Variants in KCNIP4 observed in about 807,000 individuals in gnomAD.
KCNIP4 encodes the protein potassium voltage-gated channel interacting protein 4, also known as Kv channel-interacting protein 4.
Under a neutral mutation model 34.0 loss-of-function variants are expected in KCNIP4, and 12 were observed. The ratio of observed to expected loss-of-function variants is 0.35; its 90% CI spans 0.23 to 0.57. The LOEUF (loss-of-function observed/expected upper bound fraction) is 0.57, where lower values mean the gene tolerates loss of function less well. Ranked by LOEUF, KCNIP4 falls within the 20% of genes least tolerant of loss-of-function variation. The pLI, the probability that KCNIP4 is intolerant of heterozygous loss-of-function variation, is 0.83. For synonymous variants in KCNIP4, 124 were observed against 102.2 expected (o/e 1.21, Z -1.29); for missense variants, 238 against 311.7 (o/e 0.76, Z 1.78).
chr4:21,849,557 T>A (rs1421805444), intron 1 of KCNIP4: 1 of 151,998 alleles, frequency 6.6e-6, no homozygotes, highest in Non-Finnish European at 1.5e-5. Context: ...CAGAAAAAAA[T>A]CAATCCAAAA....
At chr4:21,422,886 C>A (rs1001897510) in intron 1 of KCNIP4, among the ~76,000 whole-genome samples, 1 of 152,090 alleles carries the variant, frequency 6.6e-6, no homozygotes, top group Non-Finnish European at 1.5e-5. Context: ...AATGTTGTGA[C>A]CACTGGTTGA....
intron 1 of KCNIP4, among the ~76,000 whole-genome samples, chr4:21,234,945 G>A (rs992342888): frequency 6.6e-6 from 1 of 151,910 alleles, no homozygotes; most frequent in Admixed American, 6.6e-5. Context: ...ACCACTTCTG[G>A]CCATATTTTT....
At chr4:21,040,134 C>T (rs541421815) in intron 1 of KCNIP4, among the ~76,000 whole-genome samples, 1 of 152,306 alleles carries the variant, frequency 6.6e-6, no homozygotes, top group East Asian at 1.9e-4. Flanking sequence ...CCAATCACCT[C>T]CTACCAGGTC....
At chr4:21,292,055 C>A (rs1033729746) in intron 1 of KCNIP4, among the ~76,000 whole-genome samples, 2 of 152,086 alleles carry the variant, frequency 1.3e-5, no homozygotes, top group African/African-American at 4.8e-5. Context: ...TATATAAACA[C>A]CTTTCAGGAA....
intron 1 of KCNIP4, among the ~76,000 whole-genome samples, chr4:21,190,514 G>GC (rs1049218846): frequency 3.0e-4 from 45 of 148,162 alleles, no homozygotes; most frequent in Non-Finnish European, 4.8e-4. Context: ...GGTGGGGGGG[G>GC]GCACTGAGGG....
chr4:21,105,719 A>G (rs1306519503), intron 1 of KCNIP4, among the ~76,000 whole-genome samples: 1 of 151,504 alleles, frequency 6.6e-6, no homozygotes, highest in Non-Finnish European at 1.5e-5. Flanking sequence ...TCAGTATGAT[A>G]TTGGCTGTGG....
In KCNIP4 at chr4:20,821,895, T is replaced by TCA. The variant is rs995288589; in HGVS notation, c.288+28646_288+28647dup. Reference sequence around the variant, plus strand: ...GTATCTATGTATCTCTCTCTCTCTCTCACACACACACATTTTCTTTATCCA... The same window carrying TCA: ...GTATCTATGTATCTCTCTCTCTCTCTCACACACACACACATTTTCTTTATCCA... On this transcript the variant is annotated intron_variant, in intron 3 of 8. Transcript: ENST00000382152. Among the ~76,000 whole-genome samples the TCA allele has an allele frequency of 2.0e-4, 30 of 151,804 alleles. No individual in the cohort carries two copies. The Middle Eastern group carries it at 0.014, about 69-fold the overall frequency.
chr4:21,386,597 C>A (rs1197380172), intron 1 of KCNIP4, among the ~76,000 whole-genome samples: 1 of 152,096 alleles, frequency 6.6e-6, no homozygotes, highest in Non-Finnish European at 1.5e-5. Flanking sequence ...TTGGCAACAC[C>A]AAGGCTGCAA....
chr4:21,422,194 T>G (rs1275652824), intron 1 of KCNIP4, among the ~76,000 whole-genome samples: 1 of 144,316 alleles, frequency 6.9e-6, no homozygotes, highest in Non-Finnish European at 1.5e-5. Flanking sequence ...TTCTGCAGCC[T>G]ACTTTTTTTT....
intron 1 of KCNIP4, among the ~76,000 whole-genome samples, chr4:21,555,438 G>C (rs913911421): frequency 2.0e-5 from 3 of 152,158 alleles, no homozygotes; most frequent in African/African-American, 7.2e-5. Flanking sequence ...AACAGCTGTG[G>C]TCTTCAGTGG....
intron 3 of KCNIP4, among the ~76,000 whole-genome samples, chr4:20,774,408 G>T (rs1560455592): frequency 6.6e-6 from 1 of 152,044 alleles, no homozygotes; most frequent in South Asian, 2.1e-4. Flanking sequence ...TACTAGCCTG[G>T]AACTTTGAAT....
intron 1 of KCNIP4, among the ~76,000 whole-genome samples, chr4:21,754,624 C>T (rs1283942147): frequency 1.3e-5 from 2 of 152,164 alleles, no homozygotes; most frequent in Non-Finnish European, 2.9e-5. Context: ...AAAGCCTGGC[C>T]TCTTGATCAT....
chr4:21,151,406 A>ATTTTTTTTT (rs35983306), intron 1 of KCNIP4, among the ~76,000 whole-genome samples: 6 of 51,276 alleles, frequency 1.2e-4, no homozygotes, highest in African/African-American at 3.6e-4. Context: ...ACAAAAGACA[A>ATTTTTTTTT]TTTTTTTTTT....
At chr4:21,946,584 T>A (rs1048181200) in intron 1 of KCNIP4, among the ~76,000 whole-genome samples, 3 of 152,212 alleles carry the variant, frequency 2.0e-5, no homozygotes, top group African/African-American at 7.2e-5. Flanking sequence ...GTGAAAATAG[T>A]ATTACATATT....
At chr4:21,324,222 T>A (rs938109354) in intron 1 of KCNIP4, among the ~76,000 whole-genome samples, 2 of 152,002 alleles carry the variant, frequency 1.3e-5, no homozygotes, top group African/African-American at 4.8e-5. Context: ...TTGACTGTTT[T>A]CTTTGCTGTG....
intron 1 of KCNIP4, among the ~76,000 whole-genome samples, chr4:21,140,484 G>C (rs1751860494): frequency 6.6e-6 from 1 of 152,068 alleles, no homozygotes; most frequent in Non-Finnish European, 1.5e-5. Context: ...ATTGCACAAT[G>C]TTAACATAAC....
At chr4:21,275,474 A>G (rs951537805) in intron 1 of KCNIP4, among the ~76,000 whole-genome samples, 3 of 152,240 alleles carry the variant, frequency 2.0e-5, no homozygotes, top group Non-Finnish European at 4.4e-5. Flanking sequence ...CAAATCATGC[A>G]AGTGTTTACA....
At chr4:20,832,108 A>G (rs1054433798) in intron 3 of KCNIP4, among the ~76,000 whole-genome samples, 15 of 152,278 alleles carry the variant, frequency 9.9e-5, no homozygotes, top group Admixed American at 2.6e-4. Flanking sequence ...TGATGAGAAG[A>G]TCTAACTTGG....
intron 1 of KCNIP4, among the ~76,000 whole-genome samples, chr4:21,037,362 C>T (rs1052901785): frequency 6.6e-6 from 1 of 152,186 alleles, no homozygotes; most frequent in African/African-American, 2.4e-5. Context: ...AGTAAGTGCC[C>T]TGCATAGGTC....
Sources: gnomAD v4.1 joint callset for allele counts (sites outside exome capture counted in the v4.1 genomes callset) on GRCh38, gnomAD v4.1.1 for gene constraint, MANE v1.5 for transcripts, NCBI Gene and HGNC (gene_info 2026-07-23, HGNC 2026-07-21) for gene names.